The following IQCM variants were observed in gnomAD, a reference collection of about 807,000 sequenced individuals.
IQCM encodes the protein IQ motif containing M, also known as IQ domain-containing protein M.
A neutral mutation model predicts 57.6 loss-of-function variants in IQCM; 45 were observed. That is an observed-to-expected ratio of 0.78 (90% CI 0.62 to 1.00). The LOEUF (loss-of-function observed/expected upper bound fraction) is 1.00. Ranked by LOEUF, IQCM falls within the 50% of genes least tolerant of loss-of-function variation. The probability of loss-of-function intolerance (pLI) is 0.00; values close to 1 mark genes in which losing one functional copy is unlikely to be tolerated. For missense variants in IQCM, 468 were observed against 511.6 expected (o/e 0.91, Z 0.82); for synonymous variants, 148 against 158.9 (o/e 0.93, Z 0.51).
intron 13 of IQCM, among the ~76,000 whole-genome samples, chr4:149,368,218 T>C (rs1266958842): frequency 6.6e-6 from 1 of 152,072 alleles, no homozygotes; most frequent in Admixed American, 6.6e-5. Flanking sequence ...AGAGTTTTTA[T>C]TAATTAAATA....
In IQCM at chr4:149,614,042, T is replaced by TTA. The variant is rs1755557318; in HGVS notation, c.681+7086_681+7087insTA. On this transcript the variant is annotated intron_variant, in intron 8 of 13. Coordinates refer to ENST00000636793, the MANE Select transcript of IQCM (RefSeq NM_001363507.2). ...ACAAAACGAATGACCTGTTTTTATT[T>TTA]TTTTCATGACCTAAACCTATGTTTT... 2.0e-5 allele frequency among the ~76,000 whole-genome samples: 3 copies of TTA among 152,214 alleles called. No homozygotes were observed. The South Asian group carries it at 6.2e-4, about 31-fold the overall frequency.
chr4:149,569,582 T>C (rs984183206), intron 9 of IQCM, among the ~76,000 whole-genome samples: 1 of 152,216 alleles, frequency 6.6e-6, no homozygotes, highest in Non-Finnish European at 1.5e-5. Flanking sequence ...AAAGCCCTGC[T>C]ACAAGTTACA....
chr4:149,479,573 C>A (rs1258709658), intron 12 of IQCM, among the ~76,000 whole-genome samples: 1 of 152,208 alleles, frequency 6.6e-6, no homozygotes, highest in Non-Finnish European at 1.5e-5. Flanking sequence ...AAGGTCACAC[C>A]AATTTTAAGT....
At position 149,806,012 on chromosome 4, in the gene IQCM, G is replaced by A. The variant is rs572130652; in HGVS notation, c.-49+9299C>T. ...TAAAGCTTGGAGAAATATAATTGGA[G>A]TTGGTTTTGGTACACACATAATATA... On this transcript the variant is annotated intron_variant, in intron 2 of 13. Coordinates refer to ENST00000636793, the MANE Select transcript of IQCM (RefSeq NM_001363507.2). Among the ~76,000 whole-genome samples the A allele has an allele frequency of 2.8e-4, 42 of 151,940 alleles. No individual in the cohort carries two copies. The South Asian group carries it at 8.7e-3, about 31-fold the overall frequency.
At chr4:149,580,848 G>C (rs142948690) in intron 9 of IQCM, among the ~76,000 whole-genome samples, 33 of 151,802 alleles carry the variant, frequency 2.2e-4, no homozygotes, top group African/African-American at 7.5e-4. Context: ...TTATAAAGCA[G>C]AGAAAATATA....
intron 12 of IQCM, among the ~76,000 whole-genome samples, chr4:149,497,617 C>T (rs1321907045): frequency 6.6e-6 from 1 of 151,968 alleles, no homozygotes; most frequent in African/African-American, 2.4e-5. Flanking sequence ...AGTTACCTCC[C>T]ACTGGGTCCC....
chr4:149,576,505 T>C (rs1258072954), intron 9 of IQCM, among the ~76,000 whole-genome samples: 1 of 151,860 alleles, frequency 6.6e-6, no homozygotes, highest in Non-Finnish European at 1.5e-5. Flanking sequence ...ATTTGGTTTT[T>C]TGTTCCCAGA....
At chr4:149,517,141 G>C (rs1386645654) in intron 12 of IQCM, among the ~76,000 whole-genome samples, 1 of 132,760 alleles carries the variant, frequency 7.5e-6, no homozygotes, top group Non-Finnish European at 1.6e-5. Context: ...AAAAAGCCAT[G>C]ACCTGCTGAG....
chr4:149,814,668 CT>C, intron 2 of IQCM, among the ~76,000 whole-genome samples: 1 of 151,916 alleles, frequency 6.6e-6, no homozygotes, highest in Non-Finnish European at 1.5e-5. Flanking sequence ...TTCCATCCCA[CT>C]TAGGGACAGT....
At chr4:149,456,297 A>G (rs953230785) in intron 12 of IQCM, among the ~76,000 whole-genome samples, 1 of 152,102 alleles carries the variant, frequency 6.6e-6, no homozygotes, top group African/African-American at 2.4e-5. Context: ...AGATAGGGAC[A>G]TTCCTTTTCT....
chr4:149,574,557 A>G (rs1238816363), intron 9 of IQCM, among the ~76,000 whole-genome samples: 2 of 151,934 alleles, frequency 1.3e-5, no homozygotes. Flanking sequence ...TCAGAGAGAT[A>G]AGAGATCATT....
chr4:149,422,823 A>C (rs943925549), intron 13 of IQCM, among the ~76,000 whole-genome samples: 3 of 152,032 alleles, frequency 2.0e-5, no homozygotes, highest in Admixed American at 1.3e-4. Context: ...TATCCCACTC[A>C]AGGTTTAAAT....
intron 7 of IQCM, among the ~76,000 whole-genome samples, chr4:149,653,735 G>C (rs1759398925): frequency 6.6e-6 from 1 of 152,082 alleles, no homozygotes; most frequent in Non-Finnish European, 1.5e-5. Context: ...TGTACATTTA[G>C]AGGCTGTTTT....
chr4:149,562,296 G>T (rs1293613183), intron 10 of IQCM, among the ~76,000 whole-genome samples: 1 of 152,132 alleles, frequency 6.6e-6, no homozygotes, highest in African/African-American at 2.4e-5. Context: ...TCCATGTAAG[G>T]GTAGATGAAT....
intron 2 of IQCM, among the ~76,000 whole-genome samples, chr4:149,792,921 T>C (rs550503398): frequency 3.3e-5 from 5 of 152,288 alleles, no homozygotes; most frequent in African/African-American, 1.2e-4. Flanking sequence ...GGTTCTACCG[T>C]AGACCCCACA....
chr4:149,660,704 T>C (rs1035337554), intron 7 of IQCM, among the ~76,000 whole-genome samples: 11 of 151,986 alleles, frequency 7.2e-5, no homozygotes, highest in African/African-American at 2.2e-4. Context: ...AAATTGGAAA[T>C]CATCATTCTC....
intron 2 of IQCM, among the ~76,000 whole-genome samples, chr4:149,787,822 A>C (rs1010639112): frequency 6.6e-6 from 1 of 152,200 alleles, no homozygotes; most frequent in African/African-American, 2.4e-5. Flanking sequence ...CAAAATAAAA[A>C]GTAGACAAAT....
At chr4:149,627,716 C>T (rs1373679826) in intron 7 of IQCM, among the ~76,000 whole-genome samples, 1 of 152,130 alleles carries the variant, frequency 6.6e-6, no homozygotes, top group African/African-American at 2.4e-5. Flanking sequence ...GTCCTAATCC[C>T]TGAAACCTAT....
chr4:149,809,016 C>T (rs1224809680), intron 2 of IQCM, among the ~76,000 whole-genome samples: 1 of 151,990 alleles, frequency 6.6e-6, no homozygotes, highest in Non-Finnish European at 1.5e-5. Context: ...TAAGGATATC[C>T]TTCATTTAAT....
Sources: allele counts gnomAD v4.1 joint callset (sites outside exome capture counted in the v4.1 genomes callset), GRCh38; gene constraint gnomAD v4.1.1; transcripts MANE v1.5; gene names NCBI Gene and HGNC (gene_info 2026-07-23, HGNC 2026-07-21).